Variants in ZNF705G observed in about 807,000 individuals in gnomAD.
ZNF705G encodes the protein zinc finger protein 705G.
In ZNF705G, 23 loss-of-function variants were observed where a neutral mutation model predicts 19.6. The observed-to-expected ratio is 1.17, with a 90% confidence interval of 0.84 to 1.66. The LOEUF is 1.66. ZNF705G is among the 40% of genes most tolerant of loss of function. The pLI, the probability that ZNF705G is intolerant of heterozygous loss-of-function variation, is 0.00. For synonymous variants in ZNF705G, 146 were observed against 117.7 expected, an observed-to-expected ratio of 1.24 and a Z score of -1.56; for missense variants, 457 against 354.4, an observed-to-expected ratio of 1.29 and a Z score of -2.32.
chr8:7,371,385 C>T (rs1807091808), intron 2 of ZNF705G, among the ~76,000 whole-genome samples: 1 of 141,964 alleles, frequency 7.0e-6, no homozygotes, highest in Admixed American at 7.1e-5. Flanking sequence ...CTGGAGGTCT[C>T]GTTTACAGCA....
chr8:7,368,899 C>CTGCAGG (rs1418683010), intron 2 of ZNF705G, among the ~76,000 whole-genome samples: 1 of 149,676 alleles, frequency 6.7e-6, no homozygotes, highest in Non-Finnish European at 1.5e-5. Flanking sequence ...GGTATTAAAC[C>CTGCAGG]TGCAGGTGCA....
intron 2 of ZNF705G, among the ~76,000 whole-genome samples, chr8:7,366,147 T>G (rs1265862591): frequency 1.4e-5 from 2 of 147,642 alleles, no homozygotes; most frequent in Non-Finnish European, 2.9e-5. Flanking sequence ...CAGATTACAC[T>G]ATAAATGGAA....
At chr8:7,359,341 A>T (rs1235824903) in intron 6 of ZNF705G, among the ~76,000 whole-genome samples, 1 of 149,748 alleles carries the variant, frequency 6.7e-6, no homozygotes, top group African/African-American at 2.6e-5. Context: ...GTAACATCTC[A>T]ACTGCAGCGT....
chr8:7,357,867 T>C lies in ZNF705G; in HGVS notation c.*109A>G. ...TATGTTCTGAAGAAGTTTATAATTT[T>C]CTCTCCAGGGTGAATTTTCTGATGC... is the stretch of plus-strand genomic sequence containing the variant. On this transcript the variant is annotated 3_prime_UTR_variant, in exon 7 of 7. Transcript: ENST00000400156. The C allele has an allele frequency of 6.6e-7, 1 of 1,519,124 alleles. No homozygotes were observed. Among genetic ancestry groups the C allele is most frequent in the Non-Finnish European group, 8.8e-7 (1 of 1,136,278 alleles). The allele number at this position is 1,519,124 out of a possible 1,614,324, so 94.1% of individuals were successfully genotyped here.
intron 2 of ZNF705G, among the ~76,000 whole-genome samples, chr8:7,370,015 A>G (rs3989711): frequency 1.8e-4 from 26 of 146,562 alleles, no homozygotes; most frequent in East Asian, 1.2e-3. Context: ...ACCTGCACAT[A>G]CATCTCCTGA....
At chr8:7,367,382 G>T (rs1806905188) in intron 2 of ZNF705G, among the ~76,000 whole-genome samples, 1 of 149,386 alleles carries the variant, frequency 6.7e-6, no homozygotes, top group African/African-American at 2.6e-5. Context: ...TCAAAAATGT[G>T]AGTTAAATGC....
In ZNF705G at chr8:7,358,506, A is replaced by C. The variant is rs776697249; in HGVS notation, c.373T>G (p.Cys125Gly). The C allele has an allele frequency of 8.1e-6, 13 of 1,607,584 alleles. 2 individuals are homozygous for C. The Admixed American group carries it at 2.2e-4, about 27-fold the overall frequency. The change falls in exon 7 of 7, where the codon TGC becomes GGC. Residue 125 changes from cysteine (C) to glycine (G), a missense_variant. Coordinates refer to ENST00000400156, the MANE Select transcript of ZNF705G (RefSeq NM_001164457.3). ...TGAGTTATTGTGGAACTGCGAGTGC[A>C]ATCTTCTCCCGAATCATTACATTCA... ...PFECNDSGED[C>G]TRSSTITQCL...
At position 7,364,850 on chromosome 8, in the gene ZNF705G, C is replaced by G. The variant is rs756124131; in HGVS notation, c.-71-1833G>C. On this transcript the variant is annotated intron_variant, in intron 2 of 6. Coordinates refer to ENST00000400156, the MANE Select transcript of ZNF705G (RefSeq NM_001164457.3). ...CCTGACAGTACATGTATTATGTAGT[C>G]TATAATTCAAGCAGAACAGCTATTC... is the stretch of plus-strand genomic sequence containing the variant. 4.3e-4 allele frequency among the ~76,000 whole-genome samples: 65 copies of G among 149,546 alleles called. 1 individual carries two copies. Among genetic ancestry groups the G allele is most frequent in the Non-Finnish European group, 8.4e-4 (57 of 68,008 alleles).
At chr8:7,370,481 G>T (rs1368088426) in intron 2 of ZNF705G, among the ~76,000 whole-genome samples, 1 of 149,292 alleles carries the variant, frequency 6.7e-6, no homozygotes, top group Non-Finnish European at 1.5e-5. Flanking sequence ...GATAACCCTT[G>T]TATACTTGTG....
rs1806310106 is a variant in ZNF705G at position 7,357,171 on chromosome 8, A to G, written c.*805T>C. Reference sequence around the variant, plus strand: ...GATGCTAACCATGTTTTGTCCAGTGAGAAATCTCACATGTGCCACATGTGT... The same window carrying G: ...GATGCTAACCATGTTTTGTCCAGTGGGAAATCTCACATGTGCCACATGTGT... On this transcript the variant is annotated 3_prime_UTR_variant, in exon 7 of 7. Coordinates refer to ENST00000400156, the MANE Select transcript of ZNF705G (RefSeq NM_001164457.3). The G allele has an allele frequency of 6.6e-6, 1 of 150,714 alleles. No individual in the cohort carries two copies. Among genetic ancestry groups the G allele is most frequent in the South Asian group, 2.1e-4 (1 of 4,772 alleles). The allele number at this position is 150,714 out of a possible 1,614,324, so 9.3% of individuals were successfully genotyped here.
intron 2 of ZNF705G, among the ~76,000 whole-genome samples, chr8:7,376,954 C>G (rs1383598089): frequency 6.9e-6 from 1 of 145,904 alleles, no homozygotes; most frequent in East Asian, 2.0e-4. Context: ...CAGGAAAATC[C>G]ATAGTACAGG....
intron 2 of ZNF705G, among the ~76,000 whole-genome samples, chr8:7,366,072 A>G: frequency 6.7e-6 from 1 of 149,600 alleles, no homozygotes; most frequent in East Asian, 1.9e-4. Context: ...ATAGAAAAGC[A>G]AAGATCACCA....
intron 1 of ZNF705G, among the ~76,000 whole-genome samples, chr8:7,382,512 T>C (rs1185252319): frequency 6.8e-6 from 1 of 146,612 alleles, no homozygotes; most frequent in African/African-American, 2.8e-5. Flanking sequence ...TCAACTTTCC[T>C]TTTGGAAATA....
intron 4 of ZNF705G, 121 bp from the exon 5 acceptor site, chr8:7,360,453 A>G: frequency 1.4e-6 from 2 of 1,468,544 alleles, no homozygotes; most frequent in South Asian, 1.2e-5. Flanking sequence ...AGGCCACAAG[A>G]CCTAGAACAC....
intron 1 of ZNF705G, among the ~76,000 whole-genome samples, chr8:7,382,011 A>G (rs1429876697): frequency 6.6e-6 from 1 of 152,208 alleles, no homozygotes; most frequent in Non-Finnish European, 1.5e-5. Flanking sequence ...ATTTTAGCCA[A>G]TTTCTACATG....
chr8:7,371,627 A>C (rs2739917), intron 2 of ZNF705G, among the ~76,000 whole-genome samples: 13,616 of 95,612 alleles, frequency 0.14, 2,498 homozygotes, highest in African/African-American at 0.4. Context: ...TTTTAAATGT[A>C]ATCATAGCTC....
At chr8:7,381,041 A>AG (rs1807474982) in intron 2 of ZNF705G, among the ~76,000 whole-genome samples, 1 of 137,274 alleles carries the variant, frequency 7.3e-6, no homozygotes, top group African/African-American at 3.4e-5. Context: ...AAAAAAAAAA[A>AG]AAAAAAAAAA....
intron 2 of ZNF705G, among the ~76,000 whole-genome samples, chr8:7,366,922 C>T (rs1249112368): frequency 3.3e-5 from 5 of 149,536 alleles, no homozygotes; most frequent in Non-Finnish European, 5.9e-5. Context: ...TCTAGATTGG[C>T]CACGACTTTG....
intron 2 of ZNF705G, among the ~76,000 whole-genome samples, chr8:7,370,470 A>T (rs1318667600): frequency 6.7e-6 from 1 of 149,492 alleles, no homozygotes; most frequent in Non-Finnish European, 1.5e-5. Context: ...TGTGGAGAAA[A>T]GATAACCCTT....
Sources: allele counts gnomAD v4.1 joint callset (sites outside exome capture counted in the v4.1 genomes callset), GRCh38; gene constraint gnomAD v4.1.1; transcripts MANE v1.5; gene names NCBI Gene and HGNC (gene_info 2026-07-23, HGNC 2026-07-21).